DNMT1: variants seen among roughly 807,000 people sequenced by gnomAD.
The protein encoded by DNMT1 is DNA methyltransferase 1, also known as DNA (cytosine-5)-methyltransferase 1.
DNMT1 carries 24 observed loss-of-function variants against 205.3 expected under a neutral mutation model. The ratio of observed to expected loss-of-function variants is 0.12; its 90% CI spans 0.08 to 0.16. The LOEUF (loss-of-function observed/expected upper bound fraction) is 0.16. Ranked by LOEUF, DNMT1 falls within the 10% of genes least tolerant of loss-of-function variation. The probability of loss-of-function intolerance (pLI) is 1.00; values close to 1 mark genes in which losing one functional copy is unlikely to be tolerated. For synonymous variants in DNMT1, 817 were observed against 839.8 expected (o/e 0.97, Z 0.47); for missense variants, 1,293 against 2,177.7 (o/e 0.59, Z 8.09).
At position 10,133,568 on chromosome 19, in the gene DNMT1, A is replaced by G. The variant is rs1271011323; in HGVS notation, c.*99T>C. ...TCAGCCAAGGCCACAAACACCATGT[A>G]CCACACATGTGAACGGACAGATTGA... On this transcript the variant is annotated 3_prime_UTR_variant, in exon 41 of 41. Coordinates refer to ENST00000359526, the MANE Select transcript of DNMT1 (RefSeq NM_001130823.3). This position sits in a 1 kb window ranked among gnomAD's most constrained non-coding sequence, Gnocchi z 4.1. The G allele has an allele frequency of 7.1e-7, 1 of 1,399,674 alleles. No individual in the cohort carries two copies. The highest frequency in any genetic ancestry group is 2.0e-5 in the Admixed American group (1 of 50,794). The allele number at this position is 1,399,674 out of a possible 1,614,324, so 86.7% of individuals were successfully genotyped here. A position where few individuals can be genotyped will look rare whatever the true frequency, so the allele number is the denominator to read the frequency against.
intron 17 of DNMT1, among the ~76,000 whole-genome samples, chr19:10,158,571 G>A (rs1258044747): frequency 6.6e-6 from 1 of 152,210 alleles, no homozygotes; most frequent in East Asian, 1.9e-4. Context: ...AGCCCTGGAG[G>A]GTAACTGCAC....
chr19:10,136,810 G>A (rs1013930450), intron 37 of DNMT1, among the ~76,000 whole-genome samples: 3 of 151,392 alleles, frequency 2.0e-5, no homozygotes, highest in Non-Finnish European at 2.9e-5. Flanking sequence ...CCAGGCTGGA[G>A]TGCAATGGCA....
In DNMT1 at chr19:10,136,142, G is replaced by A. The variant is rs1599339829; in HGVS notation, c.4635C>T (p.Asn1545=). Residue 1545 remains asparagine (N), a synonymous_variant, in exon 38 of 41, where the codon AAC becomes AAT. Transcript: ENST00000359526. ...CTACCTGCTTGCCCATGGGCTCGGG[G>A]TTGGTGACGGTTGTGCTGAAGAAGC... ...WDGFFSTTVT[N]PEPMGKQGRV... The A allele has an allele frequency of 6.2e-7, 1 of 1,614,046 alleles. No individual in the cohort carries two copies. The highest frequency in any genetic ancestry group is 8.5e-7 in the Non-Finnish European group (1 of 1,180,044).
intron 17 of DNMT1, among the ~76,000 whole-genome samples, chr19:10,157,059 G>A (rs1295840369): frequency 1.3e-5 from 2 of 152,150 alleles, no homozygotes; most frequent in East Asian, 3.9e-4. Context: ...GACTTACAGT[G>A]CGGGAAATAC....
rs75504009 is a variant in DNMT1 at position 10,160,905 on chromosome 19, A to C, written c.1009-487T>G. 5.8e-3 allele frequency among the ~76,000 whole-genome samples: 888 copies of C among 152,302 alleles called. 18 individuals carry two copies. The highest frequency in any genetic ancestry group is 0.034 in the East Asian group (176 of 5,186). Reference sequence around the variant, plus strand: ...GACTCCATCTCAAAATAAATGAATAAATAAATCTCATAACCAAAGACTTCC... The same window carrying C: ...GACTCCATCTCAAAATAAATGAATACATAAATCTCATAACCAAAGACTTCC... On this transcript the variant is annotated intron_variant, in intron 13 of 40. Transcript: ENST00000359526.
intron 7 of DNMT1, among the ~76,000 whole-genome samples, chr19:10,175,247 G>A (rs1161993574): frequency 6.6e-6 from 1 of 151,746 alleles, no homozygotes; most frequent in East Asian, 1.9e-4. Flanking sequence ...ACAATCTTGT[G>A]AGCCAATTTC....
At chr19:10,187,672 C>A (rs891110591) in intron 1 of DNMT1, among the ~76,000 whole-genome samples, 1 of 151,878 alleles carries the variant, frequency 6.6e-6, no homozygotes, top group Non-Finnish European at 1.5e-5. Flanking sequence ...GAATTTGAGA[C>A]CAGCCTGGGC....
Position 10,151,564 on chromosome 19 carries a change from T to C in DNMT1, c.2118-19A>G, listed in dbSNP as rs758764620. The C allele has an allele frequency of 8.7e-6, 14 of 1,613,166 alleles. No individual in the cohort carries two copies. In the East Asian group the frequency reaches 1.8e-4, roughly 21 times the overall value. On this transcript the variant is annotated intron_variant, in intron 23 of 40. Coordinates refer to ENST00000359526, the MANE Select transcript of DNMT1 (RefSeq NM_001130823.3). This position sits in a 1 kb window ranked among gnomAD's most constrained non-coding sequence, Gnocchi z 5.0. ...GGGACACCTGCAATGTCACTGGTTA[T>C]ACCTAAGGCCCCTTTTCTAAGTAAG...
rs534634854 is a variant in DNMT1 at position 10,162,492 on chromosome 19, ACTC to A, written c.1008+172_1008+174del. Among the ~76,000 whole-genome samples the A allele has an allele frequency of 2.5e-3, 355 of 142,046 alleles. 1 individual carries two copies. Among genetic ancestry groups the A allele is most frequent in the African/African-American group, 9.1e-3 (344 of 37,808 alleles). 93.2% of individuals were successfully genotyped at this position (142,046 alleles called of 152,430 possible). A position where few individuals can be genotyped will look rare whatever the true frequency, so the allele number is the denominator to read the frequency against. On this transcript the variant is annotated intron_variant, in intron 13 of 40. Coordinates refer to ENST00000359526, the MANE Select transcript of DNMT1 (RefSeq NM_001130823.3). ...ACCATATTGGTCAGGCTGGTCTTGA[ACTC>A]CTGACCTCATGTGATTCACCCGCTT...
At chr19:10,169,669 G>A (rs1490911585) in intron 9 of DNMT1, among the ~76,000 whole-genome samples, 1 of 152,188 alleles carries the variant, frequency 6.6e-6, no homozygotes, top group Non-Finnish European at 1.5e-5. Flanking sequence ...GGGAGGCTGA[G>A]GCAGGAGAAT....
At chr19:10,192,026 G>C (rs982181425) in intron 1 of DNMT1, among the ~76,000 whole-genome samples, 1 of 152,034 alleles carries the variant, frequency 6.6e-6, no homozygotes, top group African/African-American at 2.4e-5. Flanking sequence ...GTTTCGCCAC[G>C]TTGGCCAGGC....
chr19:10,186,094 G>C (rs889017185), intron 1 of DNMT1, among the ~76,000 whole-genome samples: 1 of 152,302 alleles, frequency 6.6e-6, no homozygotes, highest in South Asian at 2.1e-4. Context: ...AAGCCAGCCA[G>C]TCCCCTGATC....
At chr19:10,162,454 G>T (rs2038588442) in intron 13 of DNMT1, among the ~76,000 whole-genome samples, 1 of 151,666 alleles carries the variant, frequency 6.6e-6, no homozygotes, top group Admixed American at 6.6e-5. Flanking sequence ...ATTTTTAGTA[G>T]AGACAGGGTT....
chr19:10,170,650 A>G (rs751707625), intron 9 of DNMT1, among the ~76,000 whole-genome samples: 2 of 152,190 alleles, frequency 1.3e-5, no homozygotes, highest in Non-Finnish European at 2.9e-5. Flanking sequence ...CGTCTCAAAA[A>G]ACAAAAAAAA....
chr19:10,176,162 C>T (rs1330159821), intron 6 of DNMT1, among the ~76,000 whole-genome samples: 3 of 132,766 alleles, frequency 2.3e-5, no homozygotes, highest in Non-Finnish European at 3.4e-5. Context: ...AGCAAGACTC[C>T]GTATCAAAAA....
chr19:10,138,141 G>T lies in DNMT1; in HGVS notation c.4116-132C>A. On this transcript the variant is annotated intron_variant, in intron 35 of 40. Transcript: ENST00000359526. The surrounding 1 kb of genome is among the most constrained non-coding windows in gnomAD (Gnocchi z 4.1). ...AGCACTGCCCGAGGTCACATGGGTG[G>T]CAGTGTGCCTGGATGCCATCTGGAA... The T allele has an allele frequency of 1.6e-6, 2 of 1,215,864 alleles. No individual in the cohort carries two copies. The highest frequency in any genetic ancestry group is 2.3e-6 in the Non-Finnish European group (2 of 857,924). 75.3% of individuals were successfully genotyped at this position (1,215,864 alleles called of 1,614,324 possible). A position where few individuals can be genotyped will look rare whatever the true frequency, so the allele number is the denominator to read the frequency against.
intron 6 of DNMT1, 43 bp downstream of exon 6, chr19:10,177,249 C>A: frequency 6.3e-7 from 1 of 1,582,098 alleles, no homozygotes; most frequent in Non-Finnish European, 8.7e-7. Flanking sequence ...CCCAAAACAG[C>A]CGGCCCCTAA....
intron 9 of DNMT1, among the ~76,000 whole-genome samples, chr19:10,171,852 C>A (rs2038825262): frequency 7.1e-6 from 1 of 141,136 alleles, no homozygotes; most frequent in Non-Finnish European, 1.5e-5. Flanking sequence ...AATAAAAACA[C>A]AAAAATTAGC....
Position 10,146,624 on chromosome 19 carries a change from G to T in DNMT1, c.2721-100C>A. 1 of 1,481,100 alleles carries T rather than the reference G, an allele frequency of 6.8e-7. No individual in the cohort carries two copies. The highest frequency in any genetic ancestry group is 9.2e-7 in the Non-Finnish European group (1 of 1,084,168). 91.7% of individuals were successfully genotyped at this position (1,481,100 alleles called of 1,614,324 possible). ...AATCCAGAGACTCTGGTAACCAAGA[G>T]GAAAAAACATTTGCAGATGCTAGAA... On this transcript the variant is annotated intron_variant, in intron 27 of 40. Coordinates refer to ENST00000359526, the MANE Select transcript of DNMT1 (RefSeq NM_001130823.3). The surrounding 1 kb of genome is among the most constrained non-coding windows in gnomAD (Gnocchi z 4.4).
Sources: allele counts gnomAD v4.1 joint callset (sites outside exome capture counted in the v4.1 genomes callset), GRCh38; gene constraint gnomAD v4.1.1; non-coding constraint Gnocchi (gnomAD v3.1); transcripts MANE v1.5; gene names NCBI Gene and HGNC (gene_info 2026-07-23, HGNC 2026-07-21).